The following TBX4 variants were observed in gnomAD, a reference collection of about 807,000 sequenced individuals.
TBX4 encodes the protein T-box transcription factor 4.
Under a neutral mutation model 54.6 loss-of-function variants are expected in TBX4, and 13 were observed. The ratio of observed to expected loss-of-function variants is 0.24; its 90% CI spans 0.15 to 0.38. The LOEUF (loss-of-function observed/expected upper bound fraction) is 0.38. Among genes scored for constraint, TBX4 ranks in the 10% least tolerant of loss-of-function variants. The pLI is 1.00. For missense variants in TBX4, 631 were observed against 728.5 expected, an observed-to-expected ratio of 0.87 and a Z score of 1.54; for synonymous variants, 314 against 306.7, an observed-to-expected ratio of 1.02 and a Z score of -0.25.
At position 61,482,910 on chromosome 17, in the gene TBX4, C is replaced by T; in HGVS notation, c.1035C>T (p.Arg345=). The T allele has an allele frequency of 1.2e-6, 2 of 1,613,730 alleles. No homozygotes were observed. Residue 345 remains arginine, a synonymous_variant, in exon 9 of 9, where the codon CGC becomes CGT. Coordinates refer to ENST00000644296, the MANE Select transcript of TBX4 (RefSeq NM_001321120.2). ...HCLKRRADGT[R]HLDLPCKRSY... is the part of the protein sequence containing the mutation. Reference sequence around the variant, plus strand: ...TTTGTCTTTCAGCAGACGGTACCCGCCACCTGGACTTACCTTGCAAGCGAT... The same window carrying T: ...TTTGTCTTTCAGCAGACGGTACCCGTCACCTGGACTTACCTTGCAAGCGAT...
chr17:61,460,017 A>G lies in TBX4; in HGVS notation c.281+2386A>G, dbSNP rs1446055247. On this transcript the variant is annotated intron_variant, in intron 3 of 8. Coordinates refer to ENST00000644296, the MANE Select transcript of TBX4 (RefSeq NM_001321120.2). The surrounding 1 kb of genome is among the most constrained non-coding windows in gnomAD (Gnocchi z 4.4). ...TGCCTCTACTGGAACCCTTCTTGGT[A>G]CACGTCCATTTGTCAGCCTGGGCCC... Among the ~76,000 whole-genome samples, 1 of 152,100 alleles carries G rather than the reference A, an allele frequency of 6.6e-6. No homozygotes were observed. The highest frequency in any genetic ancestry group is 1.5e-5 in the Non-Finnish European group (1 of 68,008).
intron 4 of TBX4, among the ~76,000 whole-genome samples, chr17:61,467,212 C>T (rs548145991): frequency 6.6e-6 from 1 of 152,286 alleles, no homozygotes; most frequent in East Asian, 1.9e-4. Context: ...GCCTAAATCT[C>T]CTCACAATAT....
At position 61,476,426 on chromosome 17, in the gene TBX4, GTATT is replaced by G. The variant is rs2060620484; in HGVS notation, c.550-2200_550-2197del. ...CTGGAGCTATCGGGCCACCTCCCAG[GTATT>G]CCATTGCTGGATCTTCCGGGAACGT... On this transcript the variant is annotated intron_variant, in intron 5 of 8. Transcript: ENST00000644296. This position sits in a 1 kb window ranked among gnomAD's most constrained non-coding sequence, Gnocchi z 6.5. Among the ~76,000 whole-genome samples, 1 of 152,238 alleles carries G rather than the reference GTATT, an allele frequency of 6.6e-6. No individual in the cohort carries two copies. Among genetic ancestry groups the G allele is most frequent in the Non-Finnish European group, 1.5e-5 (1 of 68,042 alleles).
chr17:61,475,170 G>A lies in TBX4; in HGVS notation c.550-3457G>A, dbSNP rs765232586. 7.9e-5 allele frequency among the ~76,000 whole-genome samples: 12 copies of A among 152,214 alleles called. No homozygotes were observed. Among genetic ancestry groups the A allele is most frequent in the Non-Finnish European group, 1.8e-4 (12 of 68,046 alleles). On this transcript the variant is annotated intron_variant, in intron 5 of 8. Coordinates refer to ENST00000644296, the MANE Select transcript of TBX4 (RefSeq NM_001321120.2). The surrounding 1 kb of genome is among the most constrained non-coding windows in gnomAD (Gnocchi z 5.0). Reference sequence around the variant, plus strand: ...GCAGGTTTCCCTGTGAGCCTGGCTGGTTCCCTGCCTCGGAAGATGTGTTGG... The same window carrying A: ...GCAGGTTTCCCTGTGAGCCTGGCTGATTCCCTGCCTCGGAAGATGTGTTGG...
In TBX4 at chr17:61,480,390, C is replaced by G; in HGVS notation, c.1021+71C>G. The stretch of plus-strand genomic sequence containing the variant: ...TGAGGTTCTCCCCGAAACCACTCTG[C>G]AGCGCCCCCCCCCCCAACACACACA... On this transcript the variant is annotated intron_variant, in intron 8 of 8. Transcript: ENST00000644296. The surrounding 1 kb of genome is among the most constrained non-coding windows in gnomAD (Gnocchi z 6.2). 8.5e-7 allele frequency: 1 copy of G among 1,177,754 alleles called. No individual in the cohort carries two copies. The highest frequency in any genetic ancestry group is 1.7e-5 in the African/African-American group (1 of 60,496). The allele number at this position is 1,177,754 out of a possible 1,614,324, so 73.0% of individuals were successfully genotyped here. A position where few individuals can be genotyped will look rare whatever the true frequency, so the allele number is the denominator to read the frequency against.
intron 1 of TBX4, among the ~76,000 whole-genome samples, chr17:61,455,401 G>C (rs1214136177): frequency 6.6e-6 from 1 of 152,230 alleles, no homozygotes; most frequent in Non-Finnish European, 1.5e-5. Context: ...GGTCCAGCAG[G>C]ATGGGGAAGA....
In TBX4 at chr17:61,482,975, A is replaced by G. The variant is rs1451851349; in HGVS notation, c.1100A>G (p.Tyr367Cys). 2 of 1,613,620 alleles carry G rather than the reference A, an allele frequency of 1.2e-6. No homozygotes were observed. The highest frequency in any genetic ancestry group is 2.7e-5 in the African/African-American group (2 of 74,784). Reference protein sequence around the residue: ...EAPSSVGEDHYFRSPPPYDQQ... With the variant: ...EAPSSVGEDHCFRSPPPYDQQ... Reference sequence around the variant, plus strand: ...CCCTCTTCGGTGGGGGAGGATCACTATTTCCGTTCCCCCCCTCCCTACGAC... The same window carrying G: ...CCCTCTTCGGTGGGGGAGGATCACTGTTTCCGTTCCCCCCCTCCCTACGAC... The change falls in exon 9 of 9, where the codon TAT becomes TGT. Residue 367 changes from tyrosine to cysteine, a missense_variant. Around this residue, in one of 3 missense-constraint regions of TBX4, gnomAD observed 354 missense variants for 368.9 expected, o/e 0.96. Transcript: ENST00000644296.
At chr17:61,477,985 G>T (rs893277250) in intron 5 of TBX4, among the ~76,000 whole-genome samples, 1 of 151,028 alleles carries the variant, frequency 6.6e-6, no homozygotes, top group Non-Finnish European at 1.5e-5. Context: ...AGAAAGAAAG[G>T]AAAGAAAAGA....
Position 61,483,444 on chromosome 17 carries a change from C to T in TBX4, c.1569C>T (p.Phe523=), listed in dbSNP as rs1185427724. 10 of 1,614,094 alleles carry T rather than the reference C, an allele frequency of 6.2e-6. No homozygotes were observed. Among genetic ancestry groups the T allele is most frequent in the South Asian group, 1.1e-5 (1 of 91,078 alleles). The change falls in exon 9 of 9, where the codon TTC becomes TTT. Residue 523 remains phenylalanine (F), a synonymous_variant. Transcript: ENST00000644296. This position sits in a 1 kb window ranked among gnomAD's most constrained non-coding sequence, Gnocchi z 6.6. ...ATGAGTTTCTCTACTCTCAAACCTT[C>T]TCCTTGTCCCGAGAATCTTCCTTAC... is the stretch of plus-strand genomic sequence containing the variant. The part of the protein sequence containing the change: ...AANEFLYSQT[F]SLSRESSLQY...
At position 61,457,751 on chromosome 17, in the gene TBX4, CG is replaced by C. The variant is rs1281547332; in HGVS notation, c.281+123del. The C allele has an allele frequency of 5.4e-6, 5 of 933,168 alleles. No homozygotes were observed. In the Admixed American group the frequency reaches 1.1e-4, roughly 20 times the overall value. The allele number at this position is 933,168 out of a possible 1,614,324, so 57.8% of individuals were successfully genotyped here. On this transcript the variant is annotated intron_variant, in intron 3 of 8. Transcript: ENST00000644296. This position sits in a 1 kb window ranked among gnomAD's most constrained non-coding sequence, Gnocchi z 8.2. Reference sequence around the variant, plus strand: ...CCTGTGGGAGGCCTCTCTGCCTCCTCGGGCGTCAGTGCCACCTCCCTTCGCA... The same window carrying C: ...CCTGTGGGAGGCCTCTCTGCCTCCTCGGCGTCAGTGCCACCTCCCTTCGCA...
Position 61,474,410 on chromosome 17 carries a change from C to T in TBX4, c.550-4217C>T, listed in dbSNP as rs3785827. ...CTCCAACCAGCTGTGTGTTCCTGGG[C>T]GAGTCACGTCTCCACTACCAGCATT... On this transcript the variant is annotated intron_variant, in intron 5 of 8. Coordinates refer to ENST00000644296, the MANE Select transcript of TBX4 (RefSeq NM_001321120.2). The surrounding 1 kb of genome is among the most constrained non-coding windows in gnomAD (Gnocchi z 4.6). Among the ~76,000 whole-genome samples the T allele has an allele frequency of 9.9e-5, 15 of 152,232 alleles. No individual in the cohort carries two copies. The East Asian group carries it at 1.9e-3, about 20-fold the overall frequency.
chr17:61,461,771 C>A lies in TBX4; in HGVS notation c.282-4048C>A, dbSNP rs989171446. On this transcript the variant is annotated intron_variant, in intron 3 of 8. Coordinates refer to ENST00000644296, the MANE Select transcript of TBX4 (RefSeq NM_001321120.2). The surrounding 1 kb of genome is among the most constrained non-coding windows in gnomAD (Gnocchi z 5.1). The stretch of plus-strand genomic sequence containing the variant: ...CCTGCCCAGTCAGAGCCATCCCCAC[C>A]TTTGAAACCGCTCTCTAGACTTCTG... Among the ~76,000 whole-genome samples the A allele has an allele frequency of 3.3e-5, 5 of 152,142 alleles. No individual in the cohort carries two copies. Among genetic ancestry groups the A allele is most frequent in the Admixed American group, 6.5e-5 (1 of 15,276 alleles).
chr17:61,457,436 C>A lies in TBX4; in HGVS notation c.187-101C>A. 9.3e-7 allele frequency: 1 copy of A among 1,072,756 alleles called. No individual in the cohort carries two copies. The allele number at this position is 1,072,756 out of a possible 1,614,324, so 66.5% of individuals were successfully genotyped here. ...TCTGGAGCCATGGGCTCCGGGCGGG[C>A]AGGGTTCCGCACAGCTCTTCGGGTC... On this transcript the variant is annotated intron_variant, in intron 2 of 8. Transcript: ENST00000644296. This position sits in a 1 kb window ranked among gnomAD's most constrained non-coding sequence, Gnocchi z 8.2.
At position 61,456,692 on chromosome 17, in the gene TBX4, C is replaced by T. The variant is rs115059628; in HGVS notation, c.186+16C>T. 2,004 of 1,377,184 alleles carry T rather than the reference C, an allele frequency of 1.5e-3. 32 individuals are homozygous for T. In the African/African-American group the frequency reaches 0.028, roughly 19 times the overall value. The allele number at this position is 1,377,184 out of a possible 1,614,324, so 85.3% of individuals were successfully genotyped here. A position where few individuals can be genotyped will look rare whatever the true frequency, so the allele number is the denominator to read the frequency against. The stretch of plus-strand genomic sequence containing the variant: ...CGCGGAGCAGGTAGGGCTGCGCCAG[C>T]CGTCGGGTAGAAGTCGGGCGTCGGT... On this transcript the variant is annotated intron_variant, in intron 2 of 8. Transcript: ENST00000644296.
rs1327188926 is a variant in TBX4, at chr17:61,484,814, T to C, written c.*1298T>C. 6.7e-6 allele frequency: 1 copy of C among 148,506 alleles called. No individual in the cohort carries two copies. Among genetic ancestry groups the C allele is most frequent in the Non-Finnish European group, 1.5e-5 (1 of 67,268 alleles). 9.2% of individuals were successfully genotyped at this position (148,506 alleles called of 1,614,324 possible). A position where few individuals can be genotyped will look rare whatever the true frequency, so the allele number is the denominator to read the frequency against. On this transcript the variant is annotated 3_prime_UTR_variant, in exon 9 of 9. Transcript: ENST00000644296. This position sits in a 1 kb window ranked among gnomAD's most constrained non-coding sequence, Gnocchi z 4.1. ...TGCAGGCCACATGTCAAATTCAGCT[T>C]TGCTTTCTACAAATGAATGAACTTA...
chr17:61,465,657 G>C lies in TBX4; in HGVS notation c.282-162G>C, dbSNP rs1435256076. 2.3e-6 allele frequency: 2 copies of C among 883,946 alleles called. No homozygotes were observed. Among genetic ancestry groups the C allele is most frequent in the African/African-American group, 1.6e-5 (1 of 61,020 alleles). The allele number at this position is 883,946 out of a possible 1,614,324, so 54.8% of individuals were successfully genotyped here. A position where few individuals can be genotyped will look rare whatever the true frequency, so the allele number is the denominator to read the frequency against. ...ACCTTTTCACTGTGCAGCTCGGGCA[G>C]AGGGGGAAGTGAGTTGTGCAGGTCA... On this transcript the variant is annotated intron_variant, in intron 3 of 8. Transcript: ENST00000644296. This position sits in a 1 kb window ranked among gnomAD's most constrained non-coding sequence, Gnocchi z 4.9.
At chr17:61,467,081 C>G (rs889977690) in intron 4 of TBX4, among the ~76,000 whole-genome samples, 4 of 152,056 alleles carry the variant, frequency 2.6e-5, no homozygotes, top group African/African-American at 7.2e-5. Flanking sequence ...ATTGCTTGAG[C>G]CCAGGAATTG....
intron 1 of TBX4, chr17:61,452,896 A>C (rs886999000): frequency 2.0e-6 from 2 of 984,778 alleles, no homozygotes; most frequent in Non-Finnish European, 2.4e-6. Flanking sequence ...AGGCCGTGAC[A>C]GGCGGAGCGG....
In TBX4 at chr17:61,465,505, C is replaced by T. The variant is rs1303182507; in HGVS notation, c.282-314C>T. On this transcript the variant is annotated intron_variant, in intron 3 of 8. Transcript: ENST00000644296. The surrounding 1 kb of genome is among the most constrained non-coding windows in gnomAD (Gnocchi z 4.9). ...CTGGGGTCTCTGTGCTTCAGCTGCT[C>T]ATGGGCACTAGCCCCAAGTCTTAGG... Among the ~76,000 whole-genome samples the T allele has an allele frequency of 1.3e-5, 2 of 152,346 alleles. No homozygotes were observed. The highest frequency in any genetic ancestry group is 6.5e-5 in the Admixed American group (1 of 15,310).
Sources: allele counts gnomAD v4.1 joint callset (sites outside exome capture counted in the v4.1 genomes callset), GRCh38; gene constraint gnomAD v4.1.1; regional missense constraint gnomAD v4.1.1; non-coding constraint Gnocchi (gnomAD v3.1); transcripts MANE v1.5; gene names NCBI Gene and HGNC (gene_info 2026-07-23, HGNC 2026-07-21).